Variants in PTPRG observed in about 807,000 individuals in gnomAD.
The protein encoded by PTPRG is protein tyrosine phosphatase receptor type G, also known as receptor-type tyrosine-protein phosphatase gamma.
In PTPRG, 102 loss-of-function variants were observed where a neutral mutation model predicts 165.3. That is an observed-to-expected ratio of 0.62 (90% CI 0.53 to 0.73). The LOEUF is 0.73. PTPRG is among the 30% of genes least tolerant of loss of function. The pLI is 0.00. For synonymous variants in PTPRG, 675 were observed against 669.5 expected (o/e 1.01, Z -0.13); for missense variants, 1,866 against 1,861.4 (o/e 1.00, Z -0.05).
intron 2 of PTPRG, among the ~76,000 whole-genome samples, chr3:61,784,176 A>C (rs1341270259): frequency 6.6e-6 from 1 of 152,130 alleles, no homozygotes; most frequent in Non-Finnish European, 1.5e-5. Flanking sequence ...AAGGAGGTGA[A>C]TAATTGGTGA....
chr3:62,006,910 G>T (rs745846575), intron 4 of PTPRG, among the ~76,000 whole-genome samples: 6 of 152,158 alleles, frequency 3.9e-5, no homozygotes, highest in Non-Finnish European at 8.8e-5. Context: ...GTGTTTAGTG[G>T]AATTAAGCAT....
In PTPRG at chr3:62,108,588, T is replaced by A. The variant is rs542188950; in HGVS notation, c.616-24014T>A. ...AATGGGATTGCTGGGTTAAATGGTATTTCTAGTTCTAGACCCTTGAGGAAT... is the reference window on the plus strand; with the variant it reads ...AATGGGATTGCTGGGTTAAATGGTAATTCTAGTTCTAGACCCTTGAGGAAT... On this transcript the variant is annotated intron_variant, in intron 5 of 29. Transcript: ENST00000474889. Among the ~76,000 whole-genome samples, 15 of 152,296 alleles carry A rather than the reference T, an allele frequency of 9.8e-5. 1 individual carries two copies. In the South Asian group the frequency reaches 2.7e-3, roughly 27 times the overall value.
intron 4 of PTPRG, among the ~76,000 whole-genome samples, chr3:62,046,774 A>T (rs1300586865): frequency 6.6e-6 from 1 of 152,168 alleles, no homozygotes; most frequent in Non-Finnish European, 1.5e-5. Context: ...TTAAGTTTAA[A>T]GGTAGATGTT....
chr3:62,156,002 G>T (rs1305734817), intron 6 of PTPRG, among the ~76,000 whole-genome samples: 2 of 152,168 alleles, frequency 1.3e-5, no homozygotes, highest in Non-Finnish European at 2.9e-5. Flanking sequence ...GTAAATTCAA[G>T]ACTAGATGTC....
chr3:61,889,686 TC>T (rs2038154299), intron 2 of PTPRG, among the ~76,000 whole-genome samples: 1 of 152,192 alleles, frequency 6.6e-6, no homozygotes, highest in African/African-American at 2.4e-5. Context: ...AATGGAATCT[TC>T]CTGTAGGTGG....
intron 1 of PTPRG, among the ~76,000 whole-genome samples, chr3:61,668,709 C>G (rs1702880446): frequency 6.6e-6 from 1 of 152,092 alleles, no homozygotes; most frequent in Admixed American, 6.6e-5. Context: ...GAACATTACC[C>G]TCTGCTGAAC....
At chr3:62,104,561 A>C (rs543464987) in intron 5 of PTPRG, among the ~76,000 whole-genome samples, 5 of 152,356 alleles carry the variant, frequency 3.3e-5, no homozygotes, top group African/African-American at 1.2e-4. Context: ...CCTTGTATGC[A>C]ACAGGCAGTA....
intron 4 of PTPRG, among the ~76,000 whole-genome samples, chr3:62,040,419 G>T (rs897297840): frequency 6.6e-6 from 1 of 152,122 alleles, no homozygotes; most frequent in African/African-American, 2.4e-5. Flanking sequence ...AGAAAATTTC[G>T]ACTGTCTTCA....
intron 1 of PTPRG, among the ~76,000 whole-genome samples, chr3:61,714,672 G>A (rs1428169827): frequency 2.6e-5 from 4 of 152,168 alleles, no homozygotes; most frequent in Admixed American, 6.5e-5. Flanking sequence ...AGGATCATAT[G>A]TTTGCTAAAC....
At position 61,580,641 on chromosome 3, in the gene PTPRG, T is replaced by A. The variant is rs1362038953; in HGVS notation, c.85+18269T>A. 2.0e-5 allele frequency among the ~76,000 whole-genome samples: 3 copies of A among 152,184 alleles called. No homozygotes were observed. The East Asian group carries it at 5.8e-4, about 29-fold the overall frequency. ...TGAGCCAATGCGCCCGGCCATCTGA[T>A]TTATGGTTGATAAAATACTATAATG... On this transcript the variant is annotated intron_variant, in intron 1 of 29. Transcript: ENST00000474889.
In PTPRG at chr3:62,219,328, A is replaced by G. The variant is rs1700593711; in HGVS notation, c.2288+345A>G. On this transcript the variant is annotated intron_variant, in intron 13 of 29. Transcript: ENST00000474889. This position sits in a 1 kb window ranked among gnomAD's most constrained non-coding sequence, Gnocchi z 4.5. The stretch of plus-strand genomic sequence containing the variant: ...TTCAGAACCAGCAAAATGAGTTAAC[A>G]AGTCATAGCATTTGCAGTTTTTCTG... Among the ~76,000 whole-genome samples, 1 of 152,250 alleles carries G rather than the reference A, an allele frequency of 6.6e-6. No homozygotes were observed. The highest frequency in any genetic ancestry group is 2.1e-4 in the South Asian group (1 of 4,834).
chr3:62,094,593 T>C (rs1278474256), intron 5 of PTPRG, among the ~76,000 whole-genome samples: 1 of 152,152 alleles, frequency 6.6e-6, no homozygotes, highest in East Asian at 1.9e-4. Flanking sequence ...CCTGGTCCCA[T>C]TGCTTCAGTA....
intron 5 of PTPRG, among the ~76,000 whole-genome samples, chr3:62,097,666 AC>A (rs1702161712): frequency 6.6e-6 from 1 of 152,232 alleles, no homozygotes; most frequent in Non-Finnish European, 1.5e-5. Flanking sequence ...TATCTAGCAT[AC>A]TTATAAAATA....
At chr3:62,010,475 A>G (rs1261270516) in intron 4 of PTPRG, among the ~76,000 whole-genome samples, 1 of 151,596 alleles carries the variant, frequency 6.6e-6, no homozygotes, top group African/African-American at 2.4e-5. Context: ...TATTCCTTTT[A>G]AGAAATGGGG....
At chr3:61,691,902 A>G (rs965860088) in intron 1 of PTPRG, among the ~76,000 whole-genome samples, 9 of 152,338 alleles carry the variant, frequency 5.9e-5, no homozygotes, top group African/African-American at 1.2e-4. Context: ...TTCATTAACA[A>G]TTTATTGCTG....
At chr3:62,146,197 C>T (rs572464081) in intron 6 of PTPRG, among the ~76,000 whole-genome samples, 1 of 152,298 alleles carries the variant, frequency 6.6e-6, no homozygotes, top group South Asian at 2.1e-4. Context: ...TGTGCTTTCT[C>T]TTTGGAAATA....
chr3:62,051,964 C>T (rs6810180), intron 4 of PTPRG, among the ~76,000 whole-genome samples: 81,954 of 151,934 alleles, frequency 0.54, 22,765 homozygotes, highest in Middle Eastern at 0.66. Context: ...GTAACCAAAC[C>T]ACCTCTCCCA....
intron 2 of PTPRG, among the ~76,000 whole-genome samples, chr3:61,836,448 T>C (rs552083000): frequency 6.6e-6 from 1 of 152,176 alleles, no homozygotes; most frequent in Non-Finnish European, 1.5e-5. Flanking sequence ...AACAAGACAC[T>C]AGCCTTTCCT....
chr3:62,230,865 C>T (rs1330064029), intron 13 of PTPRG, among the ~76,000 whole-genome samples: 2 of 152,156 alleles, frequency 1.3e-5, no homozygotes, highest in Non-Finnish European at 2.9e-5. Context: ...ATATTTTAAG[C>T]CATTCTGTTT....
Sources: allele counts gnomAD v4.1 joint callset (sites outside exome capture counted in the v4.1 genomes callset), GRCh38; gene constraint gnomAD v4.1.1; non-coding constraint Gnocchi (gnomAD v3.1); transcripts MANE v1.5; gene names NCBI Gene and HGNC (gene_info 2026-07-23, HGNC 2026-07-21).